Variants in ETV1 observed in about 807,000 individuals in gnomAD.
ETV1 encodes the protein ETS translocation variant 1.
In ETV1, 27 loss-of-function variants were observed where a neutral mutation model predicts 62.3. That is an observed-to-expected ratio of 0.43 (90% CI 0.32 to 0.60). The LOEUF is 0.60. ETV1 is among the 20% of genes least tolerant of loss of function. The pLI is 0.06. For synonymous variants in ETV1, 222 were observed against 199.6 expected (o/e 1.11, Z -0.94); for missense variants, 605 against 605.8 (o/e 1.00, Z 0.01).
intron 9 of ETV1, among the ~76,000 whole-genome samples, chr7:13,923,420 A>G (rs1359127811): frequency 6.6e-6 from 1 of 152,226 alleles, no homozygotes; most frequent in African/African-American, 2.4e-5. Flanking sequence ...TTGCCATTTC[A>G]GAAACCCAAG....
At chr7:13,946,740 A>T (rs2128467428) in intron 6 of ETV1, among the ~76,000 whole-genome samples, 1 of 152,306 alleles carries the variant, frequency 6.6e-6, no homozygotes, top group Non-Finnish European at 1.5e-5. Context: ...CACTTGAAAT[A>T]TAAGGGGAGA....
At position 13,893,871 on chromosome 7, in the gene ETV1, G is replaced by C. The variant is rs1454153457; in HGVS notation, c.*1995C>G. ...TTTTAAGGCATAGTTTTCTTTTTTA[G>C]GCCCAAAATGGGCCAAAATAATACA... On this transcript the variant is annotated 3_prime_UTR_variant, in exon 14 of 14. Coordinates refer to ENST00000430479, the MANE Select transcript of ETV1 (RefSeq NM_004956.5). 2 of 232,878 alleles carry C rather than the reference G, an allele frequency of 8.6e-6. No individual in the cohort carries two copies. The highest frequency in any genetic ancestry group is 1.1e-4 in the Admixed American group (2 of 17,734). 14.4% of individuals were successfully genotyped at this position (232,878 alleles called of 1,614,324 possible).
intron 5 of ETV1, chr7:13,986,203 A>G: frequency 6.4e-7 from 1 of 1,574,784 alleles, no homozygotes; most frequent in Non-Finnish European, 8.6e-7. Flanking sequence ...CAGAGAAACT[A>G]ATTTCTGCCA....
At chr7:13,980,055 C>G (rs554819288) in intron 5 of ETV1, among the ~76,000 whole-genome samples, 1 of 152,102 alleles carries the variant, frequency 6.6e-6, no homozygotes, top group Non-Finnish European at 1.5e-5. Flanking sequence ...ATAAGAATTC[C>G]TATTTCTGTT....
intron 6 of ETV1, among the ~76,000 whole-genome samples, chr7:13,949,948 G>A (rs1217073239): frequency 6.6e-6 from 1 of 152,096 alleles, no homozygotes; most frequent in East Asian, 1.9e-4. Flanking sequence ...ATGCCACCAA[G>A]TTTTAAAGGA....
chr7:13,923,620 T>C (rs1250642781), intron 9 of ETV1, among the ~76,000 whole-genome samples: 1 of 152,216 alleles, frequency 6.6e-6, no homozygotes, highest in Non-Finnish European at 1.5e-5. Context: ...TAAGGACAGA[T>C]AACCGTTCTC....
intron 6 of ETV1, among the ~76,000 whole-genome samples, chr7:13,969,689 C>T (rs995400310): frequency 2.8e-4 from 42 of 152,170 alleles, no homozygotes; most frequent in African/African-American, 8.9e-4. Flanking sequence ...TTATTCATGC[C>T]CAGGTCTGAA....
intron 6 of ETV1, 123 bp from the exon 7 acceptor site, chr7:13,939,369 A>G (rs1787210058): frequency 1.3e-6 from 1 of 776,180 alleles, no homozygotes; most frequent in Non-Finnish European, 1.9e-6. Flanking sequence ...ATATGTAAGA[A>G]AAATCACGTT....
intron 10 of ETV1, among the ~76,000 whole-genome samples, chr7:13,910,295 T>C (rs1783434558): frequency 6.7e-6 from 1 of 149,190 alleles, no homozygotes. Context: ...ATCAACAGCT[T>C]TTCATAATAA....
At chr7:13,951,624 T>C (rs763889599) in intron 6 of ETV1, among the ~76,000 whole-genome samples, 2 of 152,216 alleles carry the variant, frequency 1.3e-5, no homozygotes, top group Non-Finnish European at 2.9e-5. Flanking sequence ...GTTACGAACA[T>C]GGAGACTAAA....
intron 5 of ETV1, among the ~76,000 whole-genome samples, chr7:13,979,678 T>C (rs1781795970): frequency 6.6e-6 from 1 of 152,152 alleles, no homozygotes; most frequent in Admixed American, 6.6e-5. Flanking sequence ...GATGCAAATA[T>C]ATCAACCACA....
At chr7:13,905,759 G>A (rs904527755) in intron 12 of ETV1, among the ~76,000 whole-genome samples, 8 of 152,064 alleles carry the variant, frequency 5.3e-5, no homozygotes, top group African/African-American at 1.9e-4. Context: ...ATGTGCTATG[G>A]CAACATTTTA....
intron 6 of ETV1, among the ~76,000 whole-genome samples, chr7:13,959,477 TC>T (rs1469323544): frequency 6.6e-6 from 1 of 152,194 alleles, no homozygotes; most frequent in African/African-American, 2.4e-5. Context: ...AAGAATTATA[TC>T]CCATATAAAT....
intron 13 of ETV1, 148 bp from the exon 14 acceptor site, chr7:13,896,235 A>AC (rs1562576668): frequency 7.5e-6 from 4 of 531,650 alleles, no homozygotes; most frequent in African/African-American, 4.7e-5. Flanking sequence ...GCAGATACAC[A>AC]TAAAAAAAAA....
At chr7:13,969,868 T>C (rs1196001557) in intron 6 of ETV1, among the ~76,000 whole-genome samples, 1 of 152,186 alleles carries the variant, frequency 6.6e-6, no homozygotes, top group Non-Finnish European at 1.5e-5. Flanking sequence ...AAAAGGCAGT[T>C]GCTTCTAGAG....
intron 13 of ETV1, among the ~76,000 whole-genome samples, chr7:13,900,128 C>CA (rs1172269943): frequency 2.7e-5 from 4 of 150,882 alleles, no homozygotes; most frequent in Non-Finnish European, 5.9e-5. Context: ...GAATCTGTCT[C>CA]AAAACAAACA....
In ETV1 at chr7:13,920,894, A is replaced by G. The variant is rs116695234; in HGVS notation, c.803-9587T>C. Among the ~76,000 whole-genome samples the G allele has an allele frequency of 5.6e-3, 854 of 152,346 alleles. 10 individuals carry two copies. The highest frequency in any genetic ancestry group is 0.019 in the African/African-American group (809 of 41,582). ...AAAGGCAAAGTCAAATTGTGAGGCC[A>G]ATCTATGACCTCTATTGCAATAACA... On this transcript the variant is annotated intron_variant, in intron 9 of 13. Transcript: ENST00000430479.
intron 13 of ETV1, 52 bp from the exon 14 acceptor site, chr7:13,896,139 A>C: frequency 6.8e-7 from 1 of 1,476,972 alleles, no homozygotes; most frequent in Non-Finnish European, 9.3e-7. Flanking sequence ...CCAGATGGGG[A>C]AGGACAGGAA....
At chr7:13,986,123 T>C in intron 5 of ETV1, 2 of 1,587,504 alleles carry the variant, frequency 1.3e-6, no homozygotes, top group South Asian at 1.2e-5. Context: ...CACCTAACGT[T>C]CTGTGTTGTG....
Sources: allele counts gnomAD v4.1 joint callset (sites outside exome capture counted in the v4.1 genomes callset), GRCh38; gene constraint gnomAD v4.1.1; transcripts MANE v1.5; gene names NCBI Gene and HGNC (gene_info 2026-07-23, HGNC 2026-07-21).